EYA3: variants seen among roughly 807,000 people sequenced by gnomAD.
The protein encoded by EYA3 is EYA transcriptional coactivator and phosphatase 3.
A neutral mutation model predicts 80.0 loss-of-function variants in EYA3; 39 were observed. That is an observed-to-expected ratio of 0.49 (90% CI 0.38 to 0.64). The LOEUF (loss-of-function observed/expected upper bound fraction) is 0.64. Ranked by LOEUF, EYA3 falls within the 30% of genes least tolerant of loss-of-function variation. EYA3 has a pLI of 0.00. For missense variants in EYA3, 523 were observed against 676.1 expected, an observed-to-expected ratio of 0.77 and a Z score of 2.51; for synonymous variants, 206 against 232.8, an observed-to-expected ratio of 0.88 and a Z score of 1.05.
At chr1:28,004,715 T>C (rs1641145766) in intron 10 of EYA3, among the ~76,000 whole-genome samples, 1 of 151,860 alleles carries the variant, frequency 6.6e-6, no homozygotes, top group South Asian at 2.1e-4. Context: ...ATATATGTAT[T>C]TTATACATAC....
At position 28,011,151 on chromosome 1, in the gene EYA3, A is replaced by T. The variant is rs557868269; in HGVS notation, c.770-65T>A. 3 of 1,546,890 alleles carry T rather than the reference A, an allele frequency of 1.9e-6. No homozygotes were observed. In the Admixed American group the frequency reaches 5.6e-5, roughly 29 times the overall value. On this transcript the variant is annotated intron_variant, in intron 9 of 17. Transcript: ENST00000373871. ...AGGCTATAAGAATCAGGGCAGGAAG[A>T]GGGTTAGTGGACTCTCTGCCCTTGT...
rs138590808 is a variant in EYA3 at position 27,973,821 on chromosome 1, C to T, written c.*645G>A. ...TACTATTTTCAAGACTTTAAACACC[C>T]CTTCTTGCTAGAAAAAGAAAGTGGG... On this transcript the variant is annotated 3_prime_UTR_variant, in exon 18 of 18. Transcript: ENST00000373871. 4 of 152,260 alleles carry T rather than the reference C, an allele frequency of 2.6e-5. No individual in the cohort carries two copies. The highest frequency in any genetic ancestry group is 3.4e-3 in the Middle Eastern group (1 of 294). The allele number at this position is 152,260 out of a possible 1,614,324, so 9.4% of individuals were successfully genotyped here.
intron 16 of EYA3, among the ~76,000 whole-genome samples, chr1:27,984,692 A>G (rs1441023765): frequency 6.6e-6 from 1 of 152,124 alleles, no homozygotes; most frequent in Non-Finnish European, 1.5e-5. Context: ...CACAATAAGC[A>G]CCGTTATTAT....
At chr1:28,007,492 G>A (rs1378159223) in intron 10 of EYA3, among the ~76,000 whole-genome samples, 1 of 151,706 alleles carries the variant, frequency 6.6e-6, no homozygotes, top group East Asian at 1.9e-4. Context: ...CTGCCACCAT[G>A]CCCGTCTAAT....
At chr1:27,987,291 TTTCC>T (rs1331302758) in intron 16 of EYA3, among the ~76,000 whole-genome samples, 2 of 152,208 alleles carry the variant, frequency 1.3e-5, no homozygotes, top group Admixed American at 6.5e-5. Context: ...TGTGACAGAA[TTTCC>T]TTCCTTTTTA....
intron 2 of EYA3, among the ~76,000 whole-genome samples, chr1:28,051,495 CT>C (rs1644248573): frequency 6.6e-6 from 1 of 152,116 alleles, no homozygotes; most frequent in African/African-American, 2.4e-5. Context: ...CGAGACCAGG[CT>C]GGCCAACATG....
At chr1:28,021,187 T>TA (rs1642411908) in intron 7 of EYA3, among the ~76,000 whole-genome samples, 1 of 152,242 alleles carries the variant, frequency 6.6e-6, no homozygotes. Context: ...TGTCTTTCTT[T>TA]AAGTTACTCA....
chr1:27,980,277 T>C (rs1571699415), intron 16 of EYA3, among the ~76,000 whole-genome samples: 1 of 152,218 alleles, frequency 6.6e-6, no homozygotes, highest in Admixed American at 6.5e-5. Context: ...TGAAGAGTTC[T>C]TTAATTCCAT....
At chr1:28,069,562 AAAGAG>A (rs1180917776) in intron 1 of EYA3, among the ~76,000 whole-genome samples, 2 of 151,066 alleles carry the variant, frequency 1.3e-5, no homozygotes, top group African/African-American at 2.4e-5. Flanking sequence ...AAAAAAAAAA[AAAGAG>A]AGAGAAGAAG....
rs372091046 is a variant in EYA3 at position 27,988,563 on chromosome 1, A to T, written c.1512T>A (p.Ile504=). 1.2e-6 allele frequency: 2 copies of T among 1,614,016 alleles called. No homozygotes were observed. Among genetic ancestry groups the T allele is most frequent in the African/African-American group, 2.7e-5 (2 of 74,944 alleles). ...TTTTGGTAGCACTATAGATGTTCTC[A>T]ATAGGAAATATTTCTCCTAGTCCAT... The part of the protein sequence containing the change: ...LLYGLGEIFP[I]ENIYSATKIG... The change falls in exon 16 of 18, where the codon ATT becomes ATA. Residue 504 remains isoleucine, a synonymous_variant. Transcript: ENST00000373871.
intron 6 of EYA3, among the ~76,000 whole-genome samples, chr1:28,032,843 T>A (rs1022322025): frequency 2.6e-5 from 4 of 152,190 alleles, no homozygotes; most frequent in Admixed American, 2.6e-4. Flanking sequence ...TCTGAGACCA[T>A]CTTTTTGATA....
chr1:28,013,304 A>G lies in EYA3; in HGVS notation c.586-10T>C. On this transcript the variant is annotated splice_polypyrimidine_tract_variant and intron_variant, in intron 8 of 17. Coordinates refer to ENST00000373871, the MANE Select transcript of EYA3 (RefSeq NM_001990.4). The surrounding 1 kb of genome is among the most constrained non-coding windows in gnomAD (Gnocchi z 4.0). ...TATAGGTGGGATAATCCTGCAGGCCAAAGGAAATAAGAAAACAAGACTCTT... is the reference window on the plus strand; with the variant it reads ...TATAGGTGGGATAATCCTGCAGGCCGAAGGAAATAAGAAAACAAGACTCTT... 6.3e-7 allele frequency: 1 copy of G among 1,594,456 alleles called. No homozygotes were observed. Among genetic ancestry groups the G allele is most frequent in the Non-Finnish European group, 8.5e-7 (1 of 1,170,370 alleles).
intron 8 of EYA3, 104 bp downstream of exon 8, chr1:28,017,050 T>C (rs1642115464): frequency 3.1e-6 from 3 of 962,956 alleles, no homozygotes; most frequent in Non-Finnish European, 4.9e-6. Flanking sequence ...CCACAGCCCA[T>C]ACTATTCCTG....
chr1:28,062,657 G>GGTGGGTGTGTGTGTGT lies in EYA3; in HGVS notation c.-68-4564_-68-4563insACACACACACACCCAC, dbSNP rs1553155519. On this transcript the variant is annotated intron_variant, in intron 1 of 17. Transcript: ENST00000373871. Reference sequence around the variant, plus strand: ...TAGGAAGAGAAATTAAATATATGTAGGTGTGTGTGTGTGTGTGTGTGTGTG... The same window carrying GGTGGGTGTGTGTGTGT: ...TAGGAAGAGAAATTAAATATATGTAGGTGGGTGTGTGTGTGTGTGTGTGTGTGTGTGTGTGTGTGTG... 4.2e-5 allele frequency among the ~76,000 whole-genome samples: 6 copies of GGTGGGTGTGTGTGTGT among 141,626 alleles called. No homozygotes were observed. The East Asian group carries it at 1.0e-3, about 24-fold the overall frequency. 92.9% of individuals were successfully genotyped at this position (141,626 alleles called of 152,430 possible).
intron 11 of EYA3, 32 bp downstream of exon 11, chr1:28,004,304 G>A (rs1044788892): frequency 2.7e-6 from 4 of 1,464,728 alleles, no homozygotes; most frequent in Non-Finnish European, 3.8e-6. Flanking sequence ...AGTCAGAAGA[G>A]GGACAGTTAC....
At chr1:28,004,501 T>C (rs1641130735) in intron 10 of EYA3, 82 bp from the exon 11 acceptor site, 2 of 983,086 alleles carry the variant, frequency 2.0e-6, no homozygotes, top group East Asian at 4.9e-5. Context: ...GAAAGAGAAC[T>C]GGGAAATTCA....
chr1:28,054,833 A>G (rs185072997), intron 2 of EYA3, among the ~76,000 whole-genome samples: 10 of 152,380 alleles, frequency 6.6e-5, no homozygotes, highest in African/African-American at 2.4e-4. Context: ...CCTGGGCGAC[A>G]GGGTGAAACC....
intron 10 of EYA3, among the ~76,000 whole-genome samples, chr1:28,005,275 C>G (rs1347717105): frequency 6.6e-6 from 1 of 152,104 alleles, no homozygotes; most frequent in Non-Finnish European, 1.5e-5. Flanking sequence ...AGAATTAACA[C>G]GAATCCTCCT....
chr1:28,022,575 C>T (rs1050214063), intron 7 of EYA3, among the ~76,000 whole-genome samples: 1 of 152,142 alleles, frequency 6.6e-6, no homozygotes, highest in African/African-American at 2.4e-5. Context: ...AACACAGATA[C>T]AGATTACGAC....
Sources: allele counts gnomAD v4.1 joint callset (sites outside exome capture counted in the v4.1 genomes callset), GRCh38; gene constraint gnomAD v4.1.1; non-coding constraint Gnocchi (gnomAD v3.1); transcripts MANE v1.5; gene names NCBI Gene and HGNC (gene_info 2026-07-23, HGNC 2026-07-21).